Variants in USP34 observed in about 807,000 individuals in gnomAD.
USP34 encodes ubiquitin carboxyl-terminal hydrolase 34.
A neutral mutation model predicts 460.3 loss-of-function variants in USP34; 70 were observed. That is an observed-to-expected ratio of 0.15 (90% CI 0.13 to 0.19). The LOEUF is 0.19. Among genes scored for constraint, USP34 ranks in the 10% least tolerant of loss-of-function variants. The pLI, the probability that USP34 is intolerant of heterozygous loss-of-function variation, is 1.00. For synonymous variants in USP34, 1,647 were observed against 1,405.3 expected, an observed-to-expected ratio of 1.17 and a Z score of -3.85; for missense variants, 3,985 against 4,236.2, an observed-to-expected ratio of 0.94 and a Z score of 1.65.
At chr2:61,450,962 G>A (rs1436015641) in intron 1 of USP34, among the ~76,000 whole-genome samples, 2 of 150,956 alleles carry the variant, frequency 1.3e-5, no homozygotes, top group African/African-American at 4.9e-5. Context: ...GCTCACACCT[G>A]TAATCCCAGC....
At chr2:61,264,052 G>A (rs1038086444) in intron 43 of USP34, among the ~76,000 whole-genome samples, 2 of 152,102 alleles carry the variant, frequency 1.3e-5, no homozygotes, top group Non-Finnish European at 2.9e-5. Flanking sequence ...GAAAACCACT[G>A]AAAACATGCT....
chr2:61,228,383 A>G (rs1487558472), intron 61 of USP34, among the ~76,000 whole-genome samples: 1 of 152,236 alleles, frequency 6.6e-6, no homozygotes, highest in Admixed American at 6.5e-5. Flanking sequence ...ATAAGACCCT[A>G]AAGTAGGTGA....
intron 51 of USP34, 28 bp downstream of exon 51, chr2:61,245,182 C>G (rs1334378424): frequency 6.4e-7 from 1 of 1,574,570 alleles, no homozygotes; most frequent in Admixed American, 1.7e-5. Context: ...AGGACACAAA[C>G]CATTTATAAT....
At position 61,189,124 on chromosome 2, in the gene USP34, G is replaced by C. The variant is rs191286986; in HGVS notation, c.9874-55C>G. 1.9e-6 allele frequency: 3 copies of C among 1,540,162 alleles called. No individual in the cohort carries two copies. The East Asian group carries it at 6.8e-5, about 35-fold the overall frequency. On this transcript the variant is annotated intron_variant, in intron 78 of 79. Transcript: ENST00000398571. ...ATTCTAAAGCCAACACTTTGATGCA[G>C]TTGTTTACAGTTAATTGCAGATGTT... is the stretch of plus-strand genomic sequence containing the variant.
chr2:61,197,455 T>C (rs1357789346), intron 75 of USP34, among the ~76,000 whole-genome samples: 3 of 152,192 alleles, frequency 2.0e-5, no homozygotes, highest in East Asian at 3.9e-4. Context: ...AGTATTGATA[T>C]AGTTAAGACT....
At chr2:61,440,985 G>A (rs1694948729) in intron 1 of USP34, among the ~76,000 whole-genome samples, 1 of 151,798 alleles carries the variant, frequency 6.6e-6, no homozygotes, top group Admixed American at 6.6e-5. Context: ...AAAATTAGCT[G>A]GGCGTGATGG....
intron 10 of USP34, among the ~76,000 whole-genome samples, chr2:61,359,845 G>T (rs1484792289): frequency 6.7e-6 from 1 of 148,616 alleles, no homozygotes; most frequent in African/African-American, 2.5e-5. Flanking sequence ...TGCTCGGCTG[G>T]GTGATCTCGG....
chr2:61,417,750 T>C (rs1185374511), intron 2 of USP34, among the ~76,000 whole-genome samples: 68 of 146,302 alleles, frequency 4.6e-4, no homozygotes, highest in Admixed American at 2.3e-3. Flanking sequence ...TTTTCTTTTT[T>C]TTTTTTTTTT....
chr2:61,421,196 A>C (rs1025539862), intron 1 of USP34, among the ~76,000 whole-genome samples: 3 of 152,218 alleles, frequency 2.0e-5, no homozygotes, highest in East Asian at 3.8e-4. Flanking sequence ...TAGAAGAAGA[A>C]GGCAGGAGGA....
intron 41 of USP34, 22 bp from the exon 42 acceptor site, chr2:61,266,189 G>A (rs762504005): frequency 8.8e-6 from 14 of 1,593,314 alleles, no homozygotes; most frequent in Non-Finnish European, 1.0e-5. Context: ...AAGGAAACAT[G>A]TTATCTAAAC....
At position 61,246,480 on chromosome 2, in the gene USP34, G is replaced by A. The variant is rs760441916; in HGVS notation, c.6395-3C>T. 10 of 1,540,794 alleles carry A rather than the reference G, an allele frequency of 6.5e-6. No homozygotes were observed. Among genetic ancestry groups the A allele is most frequent in the Non-Finnish European group, 7.9e-6 (9 of 1,142,080 alleles). Reference sequence around the variant, plus strand: ...ATGATCACTGACTTCTTTAAAACCTGAAATGATTTACACAGAATGGAAATA... The same window carrying A: ...ATGATCACTGACTTCTTTAAAACCTAAAATGATTTACACAGAATGGAAATA... On this transcript the variant is annotated splice_region_variant and splice_polypyrimidine_tract_variant and intron_variant, in intron 49 of 79. Coordinates refer to ENST00000398571, the MANE Select transcript of USP34 (RefSeq NM_014709.4).
intron 1 of USP34, 36 bp from the exon 2 acceptor site, chr2:61,420,869 T>C (rs976593379): frequency 6.6e-6 from 10 of 1,506,496 alleles, no homozygotes; most frequent in African/African-American, 1.4e-5. Context: ...TTATGAATAA[T>C]GCTAAACCAG....
rs892731461 is a variant in USP34 at position 61,264,400 on chromosome 2, C to T, written c.5778+997G>A. On this transcript the variant is annotated intron_variant, in intron 43 of 79. Coordinates refer to ENST00000398571, the MANE Select transcript of USP34 (RefSeq NM_014709.4). ...CCAATAATCCCAGTACTTTGGAAGGCCAAGGTAGAAGCATCTTGTAAGCCC... is the reference window on the plus strand; with the variant it reads ...CCAATAATCCCAGTACTTTGGAAGGTCAAGGTAGAAGCATCTTGTAAGCCC... 3.9e-5 allele frequency among the ~76,000 whole-genome samples: 6 copies of T among 152,136 alleles called. No individual in the cohort carries two copies. The East Asian group carries it at 1.2e-3, about 29-fold the overall frequency.
In USP34 at chr2:61,300,993, T is replaced by A; in HGVS notation, c.4086A>T (p.Ser1362=). ...TLFDLLEMLA[S]FKPPSGKVAV... The stretch of plus-strand genomic sequence containing the variant: ...CCACTTTTCCTGAGGGTGGTTTAAA[T>A]GATGCAAGCATCTCTAATAAATCAA... Residue 1362 remains serine, a synonymous_variant, in exon 29 of 80, where the codon TCA becomes TCT. Coordinates refer to ENST00000398571, the MANE Select transcript of USP34 (RefSeq NM_014709.4). The A allele has an allele frequency of 6.2e-7, 1 of 1,613,546 alleles. No individual in the cohort carries two copies. Among genetic ancestry groups the A allele is most frequent in the Non-Finnish European group, 8.5e-7 (1 of 1,179,842 alleles).
chr2:61,239,300 T>TCTCTCACACA (rs1213558114), intron 53 of USP34, among the ~76,000 whole-genome samples: 4 of 132,856 alleles, frequency 3.0e-5, no homozygotes, highest in African/African-American at 1.1e-4. Context: ...GAGGGCCCTG[T>TCTCTCACACA]CACACACACA....
chr2:61,275,358 G>A (rs901120222), intron 41 of USP34, among the ~76,000 whole-genome samples: 3 of 152,090 alleles, frequency 2.0e-5, no homozygotes, highest in Non-Finnish European at 4.4e-5. Context: ...GGCTCACATC[G>A]GTAATCCCAA....
intron 12 of USP34, 62 bp downstream of exon 12, chr2:61,350,198 A>T: frequency 6.6e-7 from 1 of 1,507,384 alleles, no homozygotes; most frequent in Non-Finnish European, 9.0e-7. Flanking sequence ...TTAGCAGAAA[A>T]TATTTCAAAT....
chr2:61,278,449 T>G lies in USP34; in HGVS notation c.5257-6A>C, dbSNP rs767139520. 25 of 1,526,702 alleles carry G rather than the reference T, an allele frequency of 1.6e-5. No individual in the cohort carries two copies. The highest frequency in any genetic ancestry group is 2.2e-5 in the Non-Finnish European group (25 of 1,140,894). The allele number at this position is 1,526,702 out of a possible 1,614,324, so 94.6% of individuals were successfully genotyped here. On this transcript the variant is annotated splice_region_variant and splice_polypyrimidine_tract_variant and intron_variant, in intron 39 of 79. Coordinates refer to ENST00000398571, the MANE Select transcript of USP34 (RefSeq NM_014709.4). ...TCTAAGTCGAGGAGCGTTGTCTTAATACAAAAAGAAAATAAAAATTCAAAT... is the reference window on the plus strand; with the variant it reads ...TCTAAGTCGAGGAGCGTTGTCTTAAGACAAAAAGAAAATAAAAATTCAAAT...
chr2:61,193,051 G>A, intron 75 of USP34, 71 bp from the exon 76 acceptor site: 2 of 1,221,762 alleles, frequency 1.6e-6, no homozygotes, highest in South Asian at 1.3e-5. Context: ...AACTCTGCAG[G>A]TACAATATTA....
Sources: allele counts gnomAD v4.1 joint callset (sites outside exome capture counted in the v4.1 genomes callset), GRCh38; gene constraint gnomAD v4.1.1; transcripts MANE v1.5; gene names NCBI Gene and HGNC (gene_info 2026-07-23, HGNC 2026-07-21).